The following NDUFS4 variants were observed in gnomAD, a reference collection of about 807,000 sequenced individuals.
The protein encoded by NDUFS4 is NADH dehydrogenase [ubiquinone] iron-sulfur protein 4, mitochondrial.
NDUFS4 carries 28 observed loss-of-function variants against 24.3 expected under a neutral mutation model. The ratio of observed to expected loss-of-function variants is 1.15; its 90% CI spans 0.85 to 1.58. NDUFS4 has a LOEUF of 1.58. Among genes scored for constraint, NDUFS4 ranks in the 40% most tolerant of loss-of-function variants. The pLI is 0.00. For synonymous variants in NDUFS4, 93 were observed against 69.7 expected (o/e 1.34, Z -1.67); for missense variants, 223 against 207.9 (o/e 1.07, Z -0.45).
At chr5:53,673,197 T>C (rs1740338651) in intron 4 of NDUFS4, among the ~76,000 whole-genome samples, 1 of 152,164 alleles carries the variant, frequency 6.6e-6, no homozygotes, top group South Asian at 2.1e-4. Context: ...TGGCTAAACA[T>C]CTTTTCTGCA....
At chr5:53,639,690 CATTTT>C (rs1561380022) in intron 2 of NDUFS4, among the ~76,000 whole-genome samples, 1 of 152,082 alleles carries the variant, frequency 6.6e-6, no homozygotes, top group African/African-American at 2.4e-5. Context: ...AGCTAAGCAT[CATTTT>C]ATTTTTCTTG....
intron 2 of NDUFS4, among the ~76,000 whole-genome samples, chr5:53,643,086 G>T (rs1751749295): frequency 6.6e-6 from 1 of 152,036 alleles, no homozygotes; most frequent in Admixed American, 6.6e-5. Context: ...CAATAAATCT[G>T]TGTATATTAC....
intron 2 of NDUFS4, among the ~76,000 whole-genome samples, chr5:53,633,191 T>C (rs1375887738): frequency 2.0e-5 from 3 of 152,230 alleles, no homozygotes; most frequent in African/African-American, 7.2e-5. Context: ...GTAACAGTTC[T>C]GTTGAATACT....
intron 2 of NDUFS4, among the ~76,000 whole-genome samples, chr5:53,629,408 A>T (rs1422096808): frequency 1.3e-5 from 2 of 152,144 alleles, no homozygotes; most frequent in African/African-American, 2.4e-5. Context: ...CTCGGTGCAG[A>T]GCTGAGTTCA....
chr5:53,613,623 A>G (rs1268227847), intron 2 of NDUFS4, among the ~76,000 whole-genome samples: 1 of 144,502 alleles, frequency 6.9e-6, no homozygotes, highest in Non-Finnish European at 1.5e-5. Context: ...TTTACAATGT[A>G]TTTCCCTGTG....
chr5:53,571,033 C>T (rs967890746), intron 1 of NDUFS4, among the ~76,000 whole-genome samples: 94 of 152,034 alleles, frequency 6.2e-4, no homozygotes, highest in African/African-American at 2.2e-3. Flanking sequence ...TATTTCATTA[C>T]GGATTTTTAT....
Position 53,560,708 on chromosome 5 carries a change from C to A in NDUFS4, c.46C>A (p.Arg16=), listed in dbSNP as rs752032370. 7 of 1,614,102 alleles carry A rather than the reference C, an allele frequency of 4.3e-6. No individual in the cohort carries two copies. The highest frequency in any genetic ancestry group is 5.9e-6 in the Non-Finnish European group (7 of 1,180,038). The change falls in exon 1 of 5, where the codon CGG becomes AGG. Residue 16 remains arginine (R), a synonymous_variant. Coordinates refer to ENST00000296684, the MANE Select transcript of NDUFS4 (RefSeq NM_002495.4). ...MSVVLRQTLW[R]RRAVAVAALS... ...AGTGGTACTGAGGCAGACGTTGTGG[C>A]GGAGAAGGGCAGTGGCTGTAGCTGC...
At chr5:53,639,186 C>G (rs1751638237) in intron 2 of NDUFS4, among the ~76,000 whole-genome samples, 2 of 151,480 alleles carry the variant, frequency 1.3e-5, no homozygotes, top group Admixed American at 1.3e-4. Context: ...AGTTGTTTCT[C>G]TTCACCCTTC....
intron 2 of NDUFS4, among the ~76,000 whole-genome samples, chr5:53,630,153 G>C (rs1298401159): frequency 6.6e-6 from 1 of 152,110 alleles, no homozygotes; most frequent in Non-Finnish European, 1.5e-5. Context: ...TAATTTGGCT[G>C]GGTATGAAAT....
intron 2 of NDUFS4, among the ~76,000 whole-genome samples, chr5:53,622,853 A>G (rs1270919250): frequency 6.6e-6 from 1 of 152,190 alleles, no homozygotes; most frequent in Non-Finnish European, 1.5e-5. Context: ...CATCCCGAAT[A>G]GAAACTCTGT....
intron 4 of NDUFS4, among the ~76,000 whole-genome samples, chr5:53,665,799 T>C (rs1287509053): frequency 6.6e-6 from 1 of 152,352 alleles, no homozygotes; most frequent in South Asian, 2.1e-4. Flanking sequence ...CTCGCCCTGC[T>C]TGGGCTCACA....
chr5:53,664,825 A>G (rs1474793406), intron 4 of NDUFS4, among the ~76,000 whole-genome samples: 6 of 151,616 alleles, frequency 4.0e-5, no homozygotes, highest in Admixed American at 6.6e-5. Flanking sequence ...CCTTCTGTCA[A>G]CTCGTCAAAG....
At chr5:53,581,204 T>A (rs1435555622) in intron 1 of NDUFS4, among the ~76,000 whole-genome samples, 1 of 152,162 alleles carries the variant, frequency 6.6e-6, no homozygotes, top group East Asian at 1.9e-4. Context: ...CTGTGTATTA[T>A]TCTTCTCTCC....
chr5:53,625,897 A>T (rs529152841), intron 2 of NDUFS4, among the ~76,000 whole-genome samples: 109 of 152,180 alleles, frequency 7.2e-4, no homozygotes, highest in African/African-American at 2.5e-3. Context: ...TGATTTTTTT[A>T]AAATTATACT....
intron 1 of NDUFS4, among the ~76,000 whole-genome samples, chr5:53,575,581 G>C (rs532503340): frequency 8.8e-5 from 10 of 113,670 alleles, no homozygotes; most frequent in Admixed American, 1.3e-4. Context: ...TTGCTCTGTC[G>C]CCTAGGCTGG....
chr5:53,613,712 G>A (rs1315551645), intron 2 of NDUFS4, among the ~76,000 whole-genome samples: 2 of 149,648 alleles, frequency 1.3e-5, no homozygotes, highest in Non-Finnish European at 3.0e-5. Flanking sequence ...CAATACTGTT[G>A]CTTAAAATTC....
intron 1 of NDUFS4, among the ~76,000 whole-genome samples, chr5:53,596,673 A>G (rs1750140587): frequency 1.3e-5 from 2 of 152,222 alleles, no homozygotes; most frequent in South Asian, 4.1e-4. Context: ...GAGAATATGT[A>G]TATATTTTAT....
intron 1 of NDUFS4, among the ~76,000 whole-genome samples, chr5:53,567,555 A>G (rs1749073249): frequency 6.6e-6 from 1 of 152,066 alleles, no homozygotes; most frequent in South Asian, 2.1e-4. Context: ...AACAAGATAT[A>G]CTGGACATTT....
intron 1 of NDUFS4, among the ~76,000 whole-genome samples, chr5:53,591,921 T>C (rs886812175): frequency 5.9e-5 from 9 of 152,162 alleles, no homozygotes; most frequent in East Asian, 1.9e-4. Flanking sequence ...TTGTTTGTTT[T>C]CTTATTGATG....
Sources: gnomAD v4.1 joint callset for allele counts (sites outside exome capture counted in the v4.1 genomes callset) on GRCh38, gnomAD v4.1.1 for gene constraint, MANE v1.5 for transcripts, NCBI Gene and HGNC (gene_info 2026-07-23, HGNC 2026-07-21) for gene names.